The following MUC5B variants were observed in gnomAD, a reference collection of about 807,000 sequenced individuals.
MUC5B encodes mucin-5B.
In MUC5B, 116 loss-of-function variants were observed where a neutral mutation model predicts 376.9. The observed-to-expected ratio is 0.31, with a 90% CI of 0.26 to 0.36. The LOEUF is 0.36. Among genes scored for constraint, MUC5B ranks in the 10% least tolerant of loss-of-function variants. MUC5B has a pLI of 1.00. For missense variants in MUC5B, 7,165 were observed against 7,769.9 expected (o/e 0.92, Z 2.93); for synonymous variants, 3,517 against 3,390.9 (o/e 1.04, Z -1.29).
rs146137912 is a variant in MUC5B at position 1,259,779 on chromosome 11, C to A, written c.16737C>A (p.Ala5579=). The part of the protein sequence containing the change: ...CPQGFEYKRV[A]GQCCGECVQT... Reference sequence around the variant, plus strand: ...AGGGCTTTGAGTACAAGAGAGTGGCCGGGCAGTGCTGTGGGGAGTGCGTCC... The same window carrying A: ...AGGGCTTTGAGTACAAGAGAGTGGCAGGGCAGTGCTGTGGGGAGTGCGTCC... The change falls in exon 45 of 49, where the codon GCC becomes GCA. Residue 5579 remains alanine, a synonymous_variant. Transcript: ENST00000529681. 28 of 1,612,262 alleles carry A rather than the reference C, an allele frequency of 1.7e-5. No homozygotes were observed. Among genetic ancestry groups the A allele is most frequent in the Non-Finnish European group, 2.3e-5 (27 of 1,179,666 alleles).
chr11:1,252,794 T>C lies in MUC5B; in HGVS notation c.15046-15T>C. The C allele has an allele frequency of 6.3e-7, 1 of 1,594,752 alleles. No homozygotes were observed. The highest frequency in any genetic ancestry group is 8.5e-7 in the Non-Finnish European group (1 of 1,171,590). On this transcript the variant is annotated splice_polypyrimidine_tract_variant and intron_variant, in intron 32 of 48. Coordinates refer to ENST00000529681, the MANE Select transcript of MUC5B (RefSeq NM_002458.3). ...GAGCTGGTCCAGGTGAGGACGTGCATGTTCCCTGCCCCAGGTGAATGAGAC... is the reference window on the plus strand; with the variant it reads ...GAGCTGGTCCAGGTGAGGACGTGCACGTTCCCTGCCCCAGGTGAATGAGAC...
Position 1,247,524 on chromosome 11 carries a change from C to G in MUC5B, c.10644C>G (p.Thr3548=). ...RTTATATPSK[T]RTSTLLPSSP... Reference sequence around the variant, plus strand: ...CAGCCACAGCCACACCCAGCAAGACCCGCACCTCGACCCTGCTGCCCAGCA... The same window carrying G: ...CAGCCACAGCCACACCCAGCAAGACGCGCACCTCGACCCTGCTGCCCAGCA... The change falls in exon 31 of 49, where the codon ACC becomes ACG. Residue 3548 remains threonine (T), a synonymous_variant. Coordinates refer to ENST00000529681, the MANE Select transcript of MUC5B (RefSeq NM_002458.3). 1 of 1,610,444 alleles carries G rather than the reference C, an allele frequency of 6.2e-7. No individual in the cohort carries two copies. The highest frequency in any genetic ancestry group is 8.5e-7 in the Non-Finnish European group (1 of 1,179,054).
At position 1,250,098 on chromosome 11, in the gene MUC5B, C is replaced by A. The variant is rs1163179828; in HGVS notation, c.13218C>A (p.Gly4406=). ...TTAATTTAAT[G]PTATPSSTPG... Reference sequence around the variant, plus strand: ...CAGCCACTACAACTGCAGCCACTGGCCCCACGGCCACCCCGTCCTCCACCC... The same window carrying A: ...CAGCCACTACAACTGCAGCCACTGGACCCACGGCCACCCCGTCCTCCACCC... The change falls in exon 31 of 49, where the codon GGC becomes GGA. Residue 4406 remains glycine (G), a synonymous_variant. Coordinates refer to ENST00000529681, the MANE Select transcript of MUC5B (RefSeq NM_002458.3). The A allele has an allele frequency of 4.4e-6, 7 of 1,593,938 alleles. No homozygotes were observed. The highest frequency in any genetic ancestry group is 2.3e-5 in the East Asian group (1 of 43,644).
Position 1,233,657 on chromosome 11 carries a change from C to T in MUC5B, c.2322-136C>T, listed in dbSNP as rs1020521492. On this transcript the variant is annotated intron_variant, in intron 18 of 48. Coordinates refer to ENST00000529681, the MANE Select transcript of MUC5B (RefSeq NM_002458.3). ...ATTTGGGGGCTCCCAGCAAACACAG[C>T]AGCAGGCACCGTCTGGCCTTACAAG... 5 of 816,734 alleles carry T rather than the reference C, an allele frequency of 6.1e-6. No homozygotes were observed. In the African/African-American group the frequency reaches 8.5e-5, roughly 14 times the overall value. The allele number at this position is 816,734 out of a possible 1,614,324, so 50.6% of individuals were successfully genotyped here. A position where few individuals can be genotyped will look rare whatever the true frequency, so the allele number is the denominator to read the frequency against.
At chr11:1,223,776 G>A (rs1478090964) in intron 1 of MUC5B, among the ~76,000 whole-genome samples, 8 of 152,230 alleles carry the variant, frequency 5.3e-5, no homozygotes, top group Non-Finnish European at 8.8e-5. Flanking sequence ...TCAGCCGAGC[G>A]TTTTCCCTCG....
rs752944632 is a variant in MUC5B at position 1,254,895 on chromosome 11, G to A, written c.15664+15G>A. 9.0e-5 allele frequency: 145 copies of A among 1,603,532 alleles called. No individual in the cohort carries two copies. Among genetic ancestry groups the A allele is most frequent in the Non-Finnish European group, 1.2e-4 (138 of 1,176,342 alleles). On this transcript the variant is annotated intron_variant, in intron 35 of 48. Coordinates refer to ENST00000529681, the MANE Select transcript of MUC5B (RefSeq NM_002458.3). ...GGGCCAGTGCGGTGAGTGGGCGGCG[G>A]GTCCTGCCCCGGCCAGGGCTGCTGC... is the stretch of plus-strand genomic sequence containing the variant.
In MUC5B at chr11:1,251,858, T is replaced by C. The variant is rs551359584; in HGVS notation, c.14863+115T>C. The C allele has an allele frequency of 1.1e-5, 8 of 758,448 alleles. No homozygotes were observed. The South Asian group carries it at 1.3e-4, about 12-fold the overall frequency. The allele number at this position is 758,448 out of a possible 1,614,324, so 47.0% of individuals were successfully genotyped here. ...CCTGCTGGTCATGTTTGTTCCCCAC[T>C]GGCCTCACTTGGCCCCTCCCGGCCA... On this transcript the variant is annotated intron_variant, in intron 31 of 48. Transcript: ENST00000529681.
At position 1,242,078 on chromosome 11, in the gene MUC5B, C is replaced by A; in HGVS notation, c.5198C>A (p.Ala1733Asp). The A allele has an allele frequency of 1.2e-6, 2 of 1,609,300 alleles. No individual in the cohort carries two copies. Among genetic ancestry groups the A allele is most frequent in the African/African-American group, 1.3e-5 (1 of 74,910 alleles). ...ATSRARPTGT[A>D]STASKEPLTT... The stretch of plus-strand genomic sequence containing the variant: ...TCCAGAGCTCGCCCGACAGGCACAG[C>A]CAGCACCGCTTCCAAAGAGCCGCTG... The change falls in exon 31 of 49, where the codon GCC (alanine) becomes GAC (aspartate). Residue 1733 changes from alanine (A) to aspartate (D), a missense_variant. By Grantham distance (126) the Ala-to-Asp change is moderately radical. Coordinates refer to ENST00000529681, the MANE Select transcript of MUC5B (RefSeq NM_002458.3).
Position 1,251,175 on chromosome 11 carries a change from A to T in MUC5B, c.14295A>T (p.Pro4765=), listed in dbSNP as rs553249010. Residue 4765 remains proline (P), a synonymous_variant, in exon 31 of 49, where the codon CCA becomes CCT. Coordinates refer to ENST00000529681, the MANE Select transcript of MUC5B (RefSeq NM_002458.3). ...CCCTGTGGACCACGTGGACCGTCCC[A>T]GCACAGACCACCACACCCATGTCCA... is the stretch of plus-strand genomic sequence containing the variant. ...SSTLWTTWTV[P]AQTTTPMSTM... The T allele has an allele frequency of 1.7e-4, 277 of 1,610,908 alleles. 9 individuals carry two copies. The South Asian group carries it at 2.8e-3, about 16-fold the overall frequency.
Position 1,251,326 on chromosome 11 carries a change from A to T in MUC5B, c.14446A>T (p.Thr4816Ser). Residue 4816 changes from threonine (T) to serine (S), a missense_variant, in exon 31 of 49, where the codon ACC becomes TCC. By Grantham distance (58) the Thr-to-Ser change is moderately conservative. Around this residue, in one of 31 missense-constraint regions of MUC5B, gnomAD observed 730 missense variants for 592.7 expected, o/e 1.23. Coordinates refer to ENST00000529681, the MANE Select transcript of MUC5B (RefSeq NM_002458.3). ...TATPSSTLGT[T>S]RILTELTTTA... The stretch of plus-strand genomic sequence containing the variant: ...CACACCCTCCTCCACTCTGGGGACG[A>T]CCCGGATCCTCACTGAGCTGACCAC... 1 of 1,609,640 alleles carries T rather than the reference A, an allele frequency of 6.2e-7. No homozygotes were observed. The highest frequency in any genetic ancestry group is 8.5e-7 in the Non-Finnish European group (1 of 1,177,552).
rs776950214 is a variant in MUC5B at position 1,249,901 on chromosome 11, A to C, written c.13021A>C (p.Thr4341Pro). 4 of 1,611,114 alleles carry C rather than the reference A, an allele frequency of 2.5e-6. No individual in the cohort carries two copies. In the African/African-American group the frequency reaches 5.4e-5, roughly 22 times the overall value. Residue 4341 changes from threonine (T) to proline (P), a missense_variant, in exon 31 of 49, where the codon ACC becomes CCC. Physicochemically the swap from Thr to Pro is conservative, Grantham distance 38. Transcript: ENST00000529681. The part of the protein sequence containing the change: ...LGTTGTLPEQ[T>P]TTPVATMSTI... ...GACCACCGGGACCCTCCCAGAACAG[A>C]CCACCACACCCGTGGCCACCATGTC...
In MUC5B at chr11:1,232,546, TG is replaced by T. The variant is rs1301694351; in HGVS notation, c.1938+3del. The T allele has an allele frequency of 6.2e-7, 1 of 1,609,000 alleles. No homozygotes were observed. Among genetic ancestry groups the T allele is most frequent in the Non-Finnish European group, 8.5e-7 (1 of 1,178,378 alleles). ...ATCAACCCCAAGCCCTTCCACTCGG[TG>T]AGAGGCTGAGGCCAGACCCCCACGC... On this transcript the variant is annotated splice_donor_region_variant and intron_variant, in intron 16 of 48. Transcript: ENST00000529681.
Position 1,254,734 on chromosome 11 carries a change from A to G in MUC5B, c.15518A>G (p.Lys5173Arg), listed in dbSNP as rs965604461. The G allele has an allele frequency of 6.2e-7, 1 of 1,612,874 alleles. No individual in the cohort carries two copies. The highest frequency in any genetic ancestry group is 8.5e-7 in the Non-Finnish European group (1 of 1,179,730). ...ATTCCGGTGAGCAGCGGTTTCAGCA[A>G]GAACGGCGTGCTTGTGTCTGTGCTG... is the stretch of plus-strand genomic sequence containing the variant. ...DQIPVSSGFSKNGVLVSVLGT... is the reference protein window; with the variant it reads ...DQIPVSSGFSRNGVLVSVLGT... The change falls in exon 35 of 49, where the codon AAG (lysine) becomes AGG (arginine). Residue 5173 changes from lysine (K) to arginine (R), a missense_variant. This residue lies in a region of MUC5B where 842 missense variants were observed against 1,016.9 expected (regional missense o/e 0.83). Coordinates refer to ENST00000529681, the MANE Select transcript of MUC5B (RefSeq NM_002458.3).
intron 1 of MUC5B, among the ~76,000 whole-genome samples, chr11:1,225,114 G>A (rs921700469): frequency 6.6e-6 from 1 of 152,216 alleles, no homozygotes; most frequent in Non-Finnish European, 1.5e-5. Context: ...CAGCTTGCGC[G>A]GCCCAGAGTC....
Position 1,229,780 on chromosome 11 carries a change from C to T in MUC5B, c.1193C>T (p.Thr398Ile), listed in dbSNP as rs1226264727. 6.2e-7 allele frequency: 1 copy of T among 1,601,436 alleles called. No homozygotes were observed. The highest frequency in any genetic ancestry group is 1.1e-5 in the South Asian group (1 of 89,072). The change falls in exon 10 of 49, where the codon ACC becomes ATC. Residue 398 changes from threonine to isoleucine, a missense_variant. Around this residue, in one of 31 missense-constraint regions of MUC5B, gnomAD observed 640 missense variants for 733.0 expected, o/e 0.87. Coordinates refer to ENST00000529681, the MANE Select transcript of MUC5B (RefSeq NM_002458.3). ...THGGRTYSPG[T>I]SFNTTCSSCT... Reference sequence around the variant, plus strand: ...GGCGGCCGCACCTACAGCCCGGGCACCTCCTTCAACACCACCTGCAGCTCC... The same window carrying T: ...GGCGGCCGCACCTACAGCCCGGGCATCTCCTTCAACACCACCTGCAGCTCC...
In MUC5B at chr11:1,227,131, G is replaced by A. The variant is rs1334433604; in HGVS notation, c.562G>A (p.Glu188Lys). 1 of 1,612,092 alleles carries A rather than the reference G, an allele frequency of 6.2e-7. No individual in the cohort carries two copies. Among genetic ancestry groups the A allele is most frequent in the Non-Finnish European group, 8.5e-7 (1 of 1,179,438 alleles). The change falls in exon 5 of 49, where the codon GAG (glutamate) becomes AAG (lysine). Residue 188 changes from glutamate (E) to lysine (K), a missense_variant. Glu to Lys is a moderately conservative substitution (Grantham distance 56). Coordinates refer to ENST00000529681, the MANE Select transcript of MUC5B (RefSeq NM_002458.3). ...RLVLTFLWNG[E>K]DSALLELDPK... ...GGTGCTGACATTCCTGTGGAACGGA[G>A]AGGACAGTGCCCTGGTGAGGAAGCC...
At chr11:1,224,119 G>A (rs1164680498) in intron 1 of MUC5B, among the ~76,000 whole-genome samples, 1 of 152,220 alleles carries the variant, frequency 6.6e-6, no homozygotes, top group Non-Finnish European at 1.5e-5. Context: ...CCACCTCCTT[G>A]CATCTGATTC....
chr11:1,250,923 C>T lies in MUC5B; in HGVS notation c.14043C>T (p.Thr4681=). 1 of 1,597,614 alleles carries T rather than the reference C, an allele frequency of 6.3e-7. No individual in the cohort carries two copies. Residue 4681 remains threonine, a synonymous_variant, in exon 31 of 49, where the codon ACC becomes ACT. Transcript: ENST00000529681. ...TQTSGTPPSL[T]TTATTITATG... is the part of the protein sequence containing the mutation. ...CCAGTGGTACTCCCCCATCACTGAC[C>T]ACCACGGCCACTACGATCACGGCCA... is the stretch of plus-strand genomic sequence containing the variant.
In MUC5B at chr11:1,231,476, C is replaced by A. The variant is rs748232888; in HGVS notation, c.1594C>A (p.Leu532Met). The A allele has an allele frequency of 6.2e-7, 1 of 1,611,274 alleles. No homozygotes were observed. The highest frequency in any genetic ancestry group is 8.5e-7 in the Non-Finnish European group (1 of 1,179,276). ...SSFFIVVQTG[L>M]GLQLLVQLVP... ...CTTCTTCATCGTGGTGCAGACAGGC[C>A]TGGGGCTGCAGCTGCTGGTGCAGCT... The change falls in exon 14 of 49, where the codon CTG (leucine) becomes ATG (methionine). Residue 532 changes from leucine to methionine, a missense_variant. Physicochemically the swap from Leu to Met is conservative, Grantham distance 15. This residue lies in a region of MUC5B where 640 missense variants were observed against 733.0 expected (regional missense o/e 0.87). Transcript: ENST00000529681.
Sources: gnomAD v4.1 joint callset for allele counts (sites outside exome capture counted in the v4.1 genomes callset) on GRCh38, gnomAD v4.1.1 for gene constraint, gnomAD v4.1.1 regional missense constraint, MANE v1.5 for transcripts, NCBI Gene and HGNC (gene_info 2026-07-23, HGNC 2026-07-21) for gene names.